The following NTRK2 variants were observed in gnomAD, a reference collection of about 807,000 sequenced individuals.
The protein encoded by NTRK2 is BDNF/NT-3 growth factors receptor.
Under a neutral mutation model 94.5 loss-of-function variants are expected in NTRK2, and 13 were observed. The ratio of observed to expected loss-of-function variants is 0.14; its 90% CI spans 0.09 to 0.22. NTRK2 has a LOEUF of 0.22. NTRK2 is among the 10% of genes least tolerant of loss of function. The pLI is 1.00. For synonymous variants in NTRK2, 372 were observed against 407.4 expected, an observed-to-expected ratio of 0.91 and a Z score of 1.05; for missense variants, 639 against 1,071.2, an observed-to-expected ratio of 0.60 and a Z score of 5.63.
intron 17 of NTRK2, among the ~76,000 whole-genome samples, chr9:84,991,121 T>C (rs879620189): frequency 7.9e-5 from 12 of 152,202 alleles, no homozygotes; most frequent in Non-Finnish European, 1.8e-4. Flanking sequence ...TCACACCTTA[T>C]ATTGACACAT....
intron 12 of NTRK2, chr9:84,812,936 T>C: frequency 9.7e-7 from 1 of 1,032,862 alleles, no homozygotes; most frequent in Non-Finnish European, 1.2e-6. Flanking sequence ...TTATTTCATA[T>C]AGTTCTCGTG....
chr9:84,858,583 G>A (rs1438989720), intron 12 of NTRK2, among the ~76,000 whole-genome samples: 2 of 151,454 alleles, frequency 1.3e-5, no homozygotes, highest in Non-Finnish European at 2.9e-5. Flanking sequence ...AATCCTCTGA[G>A]CCCTCTTTCT....
intron 17 of NTRK2, among the ~76,000 whole-genome samples, chr9:84,959,034 C>T (rs1266019063): frequency 2.0e-5 from 3 of 152,164 alleles, no homozygotes; most frequent in African/African-American, 7.2e-5. Flanking sequence ...TGAACCCATC[C>T]CCTTCACGGT....
At chr9:84,807,528 C>T (rs2071265667) in intron 12 of NTRK2, among the ~76,000 whole-genome samples, 1 of 152,190 alleles carries the variant, frequency 6.6e-6, no homozygotes, top group Admixed American at 6.5e-5. Context: ...AGGAGCTGGT[C>T]TCACGGTAAC....
intron 12 of NTRK2, among the ~76,000 whole-genome samples, chr9:84,845,396 G>A (rs1010398242): frequency 6.6e-6 from 1 of 151,976 alleles, no homozygotes; most frequent in Non-Finnish European, 1.5e-5. Flanking sequence ...TAATTTCTTG[G>A]GTTGAATAAA....
chr9:85,020,737 A>G (rs1025534304), intron 18 of NTRK2, among the ~76,000 whole-genome samples: 2 of 152,220 alleles, frequency 1.3e-5, no homozygotes, highest in African/African-American at 4.8e-5. Flanking sequence ...ATATTTCACC[A>G]GAACATTAAC....
At chr9:84,829,649 C>G (rs375558964) in intron 12 of NTRK2, among the ~76,000 whole-genome samples, 1 of 152,150 alleles carries the variant, frequency 6.6e-6, no homozygotes, top group African/African-American at 2.4e-5. Context: ...CTGCACCACC[C>G]GGGAGAGGAC....
intron 12 of NTRK2, among the ~76,000 whole-genome samples, chr9:84,832,711 G>C (rs534211582): frequency 3.7e-4 from 57 of 152,284 alleles, no homozygotes; most frequent in African/African-American, 1.2e-3. Flanking sequence ...AAAACATAAA[G>C]AGGACCTGCC....
chr9:84,859,420 A>G (rs1318351454), intron 12 of NTRK2, among the ~76,000 whole-genome samples: 1 of 152,232 alleles, frequency 6.6e-6, no homozygotes, highest in Admixed American at 6.5e-5. Context: ...AACCTTCACA[A>G]TATTCATTCC....
chr9:84,945,643 T>C (rs2078574397), intron 15 of NTRK2, among the ~76,000 whole-genome samples: 2 of 152,324 alleles, frequency 1.3e-5, no homozygotes, highest in East Asian at 3.9e-4. Flanking sequence ...TAATTAAATC[T>C]GGGTGGCACA....
chr9:84,880,748 A>C (rs959135920), intron 14 of NTRK2, among the ~76,000 whole-genome samples: 7 of 152,228 alleles, frequency 4.6e-5, no homozygotes, highest in Non-Finnish European at 7.3e-5. Flanking sequence ...TTCTTTAAAA[A>C]CATCATACAG....
rs545028137 is a variant in NTRK2 at position 84,940,340 on chromosome 9, G to C, written c.1764+6048G>C. Among the ~76,000 whole-genome samples the C allele has an allele frequency of 8.5e-5, 13 of 152,304 alleles. No individual in the cohort carries two copies. The South Asian group carries it at 2.5e-3, about 29-fold the overall frequency. On this transcript the variant is annotated intron_variant, in intron 15 of 18. Coordinates refer to ENST00000277120, the MANE Select transcript of NTRK2 (RefSeq NM_006180.6). ...CTCACTCAAGATCTGAGGCAGCCCT[G>C]GTGACTGTCCCTTCTTTATCATCTC...
chr9:84,896,384 G>A (rs996959839), intron 14 of NTRK2, among the ~76,000 whole-genome samples: 1 of 152,180 alleles, frequency 6.6e-6, no homozygotes, highest in Non-Finnish European at 1.5e-5. Context: ...TCAGGAGCAT[G>A]AGGACAGCCT....
At chr9:84,923,670 A>C (rs373773161) in intron 14 of NTRK2, among the ~76,000 whole-genome samples, 6 of 152,142 alleles carry the variant, frequency 3.9e-5, no homozygotes, top group Non-Finnish European at 7.4e-5. Flanking sequence ...TAATTCCAGC[A>C]TTTTGGAAGG....
At chr9:84,693,439 T>C (rs961381018) in intron 2 of NTRK2, among the ~76,000 whole-genome samples, 4 of 152,208 alleles carry the variant, frequency 2.6e-5, no homozygotes, top group African/African-American at 9.6e-5. Context: ...AGAAAAGTGC[T>C]ATATAAACAC....
rs768638909 is a variant in NTRK2 at position 84,814,813 on chromosome 9, C to T, written c.1397-46227C>T. 3 of 1,064,134 alleles carry T rather than the reference C, an allele frequency of 2.8e-6. No homozygotes were observed. In the South Asian group the frequency reaches 1.4e-4, roughly 48 times the overall value. The allele number at this position is 1,064,134 out of a possible 1,614,324, so 65.9% of individuals were successfully genotyped here. On this transcript the variant is annotated intron_variant, in intron 12 of 18. Coordinates refer to ENST00000277120, the MANE Select transcript of NTRK2 (RefSeq NM_006180.6). ...GTGCATCCAGCCACATGGGCAGGGC[C>T]AGTCACATCTAGTCTATGTCCCCAG...
At chr9:84,784,925 G>A (rs1055842828) in intron 12 of NTRK2, among the ~76,000 whole-genome samples, 4 of 152,016 alleles carry the variant, frequency 2.6e-5, no homozygotes, top group Non-Finnish European at 5.9e-5. Flanking sequence ...CTTAGTGAGT[G>A]TTTTTTTCTT....
intron 14 of NTRK2, chr9:84,874,745 CGAG>C: frequency 9.4e-7 from 1 of 1,060,608 alleles, no homozygotes; most frequent in Non-Finnish European, 1.1e-6. Context: ...GAGAGCAGCC[CGAG>C]GAGGAGATGA....
intron 14 of NTRK2, among the ~76,000 whole-genome samples, chr9:84,927,165 T>C (rs1381299367): frequency 1.3e-5 from 2 of 152,254 alleles, no homozygotes; most frequent in East Asian, 1.9e-4. Flanking sequence ...GTTTTCTTTT[T>C]GGCTTCTCCT....
Sources: allele counts gnomAD v4.1 joint callset (sites outside exome capture counted in the v4.1 genomes callset), GRCh38; gene constraint gnomAD v4.1.1; transcripts MANE v1.5; gene names NCBI Gene and HGNC (gene_info 2026-07-23, HGNC 2026-07-21).